Variants in FLT1 observed in about 807,000 individuals in gnomAD.
FLT1 encodes vascular endothelial growth factor receptor 1.
In FLT1, 49 loss-of-function variants were observed where a neutral mutation model predicts 156.3. The ratio of observed to expected loss-of-function variants is 0.31; its 90% CI spans 0.25 to 0.40. The LOEUF (loss-of-function observed/expected upper bound fraction) is 0.40, where lower values mean the gene tolerates loss of function less well. Ranked by LOEUF, FLT1 falls within the 10% of genes least tolerant of loss-of-function variation. The pLI is 1.00. For missense variants in FLT1, 1,322 were observed against 1,637.2 expected, an observed-to-expected ratio of 0.81 and a Z score of 3.32; for synonymous variants, 594 against 583.8, an observed-to-expected ratio of 1.02 and a Z score of -0.25.
chr13:28,475,783 A>G (rs953866172), intron 1 of FLT1, among the ~76,000 whole-genome samples: 1 of 152,234 alleles, frequency 6.6e-6, no homozygotes, highest in African/African-American at 2.4e-5. Context: ...AGTGGGCATT[A>G]TAAGTGAATG....
intron 29 of FLT1, among the ~76,000 whole-genome samples, chr13:28,306,211 G>C (rs1870741535): frequency 2.0e-5 from 3 of 152,206 alleles, no homozygotes; most frequent in African/African-American, 7.2e-5. Flanking sequence ...GTGAGAAAAG[G>C]GTGCCAGGAT....
At chr13:28,309,059 C>T in intron 27 of FLT1, 132 bp from the exon 28 acceptor site, 1 of 658,776 alleles carries the variant, frequency 1.5e-6, no homozygotes, top group South Asian at 1.5e-5. Flanking sequence ...CTCCTGAGGC[C>T]CCGATCTCCC....
intron 25 of FLT1, among the ~76,000 whole-genome samples, chr13:28,316,842 C>A (rs553680622): frequency 1.3e-5 from 2 of 151,920 alleles, no homozygotes; most frequent in African/African-American, 4.8e-5. Context: ...AGGCTAGTCT[C>A]GAACTCCTGA....
chr13:28,409,447 A>C (rs1239888331), intron 10 of FLT1, among the ~76,000 whole-genome samples: 2 of 151,706 alleles, frequency 1.3e-5, no homozygotes, highest in Non-Finnish European at 2.9e-5. Context: ...TGACCCTCCA[A>C]CTTCAGCCTT....
In FLT1 at chr13:28,469,296, G is replaced by A. The variant is rs185113269; in HGVS notation, c.65-1679C>T. ...GAAGCTCTAAGTGAATGGTCATGGA[G>A]GGTTTACCATTAGGTCACAGATCTG... On this transcript the variant is annotated intron_variant, in intron 1 of 29. Coordinates refer to ENST00000282397, the MANE Select transcript of FLT1 (RefSeq NM_002019.4). 2.6e-3 allele frequency among the ~76,000 whole-genome samples: 392 copies of A among 152,326 alleles called. 5 individuals are homozygous for A. Among genetic ancestry groups the A allele is most frequent in the African/African-American group, 8.9e-3 (370 of 41,586 alleles).
At chr13:28,330,130 G>A (rs1238433289) in intron 18 of FLT1, among the ~76,000 whole-genome samples, 1 of 152,240 alleles carries the variant, frequency 6.6e-6, no homozygotes, top group Non-Finnish European at 1.5e-5. Flanking sequence ...TCCCTTTGGG[G>A]AGTCACAGAG....
intron 19 of FLT1, 42 bp from the exon 20 acceptor site, chr13:28,327,592 G>T: frequency 1.5e-6 from 2 of 1,361,714 alleles, no homozygotes. Flanking sequence ...GCCACACCAA[G>T]CCAGTCAGCC....
At chr13:28,377,792 T>A (rs1873902155) in intron 14 of FLT1, among the ~76,000 whole-genome samples, 1 of 152,210 alleles carries the variant, frequency 6.6e-6, no homozygotes, top group Non-Finnish European at 1.5e-5. Flanking sequence ...GTCTAGTTTT[T>A]TAAAAATGCT....
At chr13:28,334,670 A>T (rs1421188535) in intron 17 of FLT1, among the ~76,000 whole-genome samples, 9 of 152,294 alleles carry the variant, frequency 5.9e-5, no homozygotes, top group African/African-American at 2.2e-4. Flanking sequence ...AGTCTTTCTA[A>T]TGTGTCTTAG....
intron 14 of FLT1, among the ~76,000 whole-genome samples, chr13:28,364,770 G>T (rs970058206): frequency 6.6e-6 from 1 of 151,922 alleles, no homozygotes; most frequent in African/African-American, 2.4e-5. Context: ...GTGTATTTGT[G>T]GTTCTGTTTC....
intron 19 of FLT1, among the ~76,000 whole-genome samples, chr13:28,327,984 G>A (rs1361580787): frequency 2.0e-5 from 3 of 152,124 alleles, no homozygotes; most frequent in East Asian, 1.9e-4. Context: ...CTACCTGGCC[G>A]TCTCTCGCCA....
intron 12 of FLT1, among the ~76,000 whole-genome samples, chr13:28,390,720 G>A (rs1230631006): frequency 1.3e-5 from 2 of 152,110 alleles, no homozygotes; most frequent in African/African-American, 2.4e-5. Context: ...TTAAAATCAT[G>A]TACAGTATTC....
intron 11 of FLT1, among the ~76,000 whole-genome samples, chr13:28,397,544 G>A (rs1875122653): frequency 6.6e-6 from 1 of 152,004 alleles, no homozygotes; most frequent in African/African-American, 2.4e-5. Context: ...AGAAGATAAT[G>A]TTTGGCTGAA....
intron 3 of FLT1, among the ~76,000 whole-genome samples, chr13:28,457,999 A>G (rs576468107): frequency 2.0e-4 from 28 of 141,412 alleles, no homozygotes; most frequent in African/African-American, 6.6e-4. Flanking sequence ...CAGTGGCGCA[A>G]TCTTGGCTCA....
chr13:28,399,187 T>C, intron 11 of FLT1: 1 of 1,036,712 alleles, frequency 9.6e-7, no homozygotes, highest in Non-Finnish European at 1.4e-6. Context: ...GCTTAGACCC[T>C]TCAAAGCAGT....
At chr13:28,472,672 GT>G (rs1880239521) in intron 1 of FLT1, among the ~76,000 whole-genome samples, 2 of 152,090 alleles carry the variant, frequency 1.3e-5, no homozygotes, top group Non-Finnish European at 2.9e-5. Context: ...TGAAACATCT[GT>G]GTTTTTCCAT....
intron 26 of FLT1, 76 bp downstream of exon 26, chr13:28,311,913 AGCTC>A: frequency 9.1e-7 from 1 of 1,099,062 alleles, no homozygotes; most frequent in Non-Finnish European, 1.4e-6. Flanking sequence ...TTATATTAAT[AGCTC>A]TTAAAAAAAA....
intron 1 of FLT1, among the ~76,000 whole-genome samples, chr13:28,469,950 C>T (rs1364857471): frequency 1.3e-5 from 2 of 152,134 alleles, no homozygotes; most frequent in South Asian, 2.1e-4. Context: ...GATGGGGTTT[C>T]GTCATGTTTG....
intron 17 of FLT1, among the ~76,000 whole-genome samples, chr13:28,338,643 A>T (rs952058360): frequency 1.3e-5 from 2 of 152,150 alleles, no homozygotes; most frequent in African/African-American, 4.8e-5. Context: ...CAAAGTATGT[A>T]ATTTGTGGAT....
Sources: allele counts gnomAD v4.1 joint callset (sites outside exome capture counted in the v4.1 genomes callset), GRCh38; gene constraint gnomAD v4.1.1; transcripts MANE v1.5; gene names NCBI Gene and HGNC (gene_info 2026-07-23, HGNC 2026-07-21).